The following DAB1 variants were observed in gnomAD, a reference collection of about 807,000 sequenced individuals.
DAB1 encodes disabled homolog 1.
In DAB1, 15 loss-of-function variants were observed where a neutral mutation model predicts 64.6. The ratio of observed to expected loss-of-function variants is 0.23; its 90% CI spans 0.16 to 0.36. DAB1 has a LOEUF of 0.36. Ranked by LOEUF, DAB1 falls within the 10% of genes least tolerant of loss-of-function variation. DAB1 has a pLI of 1.00. For missense variants in DAB1, 596 were observed against 706.7 expected, an observed-to-expected ratio of 0.84 and a Z score of 1.78; for synonymous variants, 235 against 251.9, an observed-to-expected ratio of 0.93 and a Z score of 0.64.
chr1:57,205,045 G>A (rs1274554761), intron 2 of DAB1, among the ~76,000 whole-genome samples: 1 of 152,230 alleles, frequency 6.6e-6, no homozygotes, highest in Non-Finnish European at 1.5e-5. Context: ...CCATTTGAGA[G>A]TGTTAATGGA....
chr1:57,313,138 A>T lies in DAB1; in HGVS notation c.-136-21972T>A, dbSNP rs376908857. On this transcript the variant is annotated intron_variant, in intron 1 of 14. Transcript: ENST00000371236. ...GGCACTCACTGTTTCTGTGGAAATG[A>T]TGCTGAGGCTGAAAGCTAGAGAGTG... Among the ~76,000 whole-genome samples, 6 of 152,320 alleles carry T rather than the reference A, an allele frequency of 3.9e-5. No homozygotes were observed. In the East Asian group the frequency reaches 1.2e-3, roughly 29 times the overall value.
intron 6 of DAB1, among the ~76,000 whole-genome samples, chr1:57,700,121 A>C (rs924076248): frequency 6.6e-6 from 1 of 151,984 alleles, no homozygotes; most frequent in Non-Finnish European, 1.5e-5. Flanking sequence ...GGTCATCCTC[A>C]TGTGCTACCG....
chr1:58,327,808 A>C (rs1662869757), intron 4 of DAB1, among the ~76,000 whole-genome samples: 1 of 152,142 alleles, frequency 6.6e-6, no homozygotes, highest in Non-Finnish European at 1.5e-5. Context: ...AAAATACAAA[A>C]ATTAGCCGGG....
At chr1:57,605,862 G>A (rs373245959) in intron 7 of DAB1, 2 of 591,430 alleles carry the variant, frequency 3.4e-6, no homozygotes, top group Non-Finnish European at 6.3e-6. Flanking sequence ...CATCTGCAAC[G>A]GTGACTTCCA....
intron 1 of DAB1, among the ~76,000 whole-genome samples, chr1:57,294,751 T>A (rs1373151474): frequency 6.6e-6 from 1 of 152,132 alleles, no homozygotes; most frequent in Non-Finnish European, 1.5e-5. Flanking sequence ...TAGGCGCTTG[T>A]CCAAAGCCAC....
At chr1:57,288,190 C>A (rs1386360817) in intron 2 of DAB1, among the ~76,000 whole-genome samples, 2 of 152,030 alleles carry the variant, frequency 1.3e-5, no homozygotes, top group African/African-American at 4.8e-5. Context: ...TAAACAATTG[C>A]AAAATATTGT....
intron 5 of DAB1, among the ~76,000 whole-genome samples, chr1:57,913,898 C>G (rs1644686586): frequency 1.3e-5 from 2 of 152,142 alleles, no homozygotes; most frequent in African/African-American, 4.8e-5. Context: ...CATTGAGATA[C>G]CATCTCATGC....
intron 5 of DAB1, among the ~76,000 whole-genome samples, chr1:58,123,111 T>C (rs1305535858): frequency 1.3e-5 from 2 of 152,182 alleles, no homozygotes; most frequent in African/African-American, 4.8e-5. Flanking sequence ...GTTACACAAT[T>C]CACCCCTTCC....
chr1:57,672,871 T>C (rs1260363157), intron 6 of DAB1, among the ~76,000 whole-genome samples: 2 of 152,144 alleles, frequency 1.3e-5, no homozygotes, highest in African/African-American at 2.4e-5. Context: ...TTGGCTAACA[T>C]AGCTTTTGTC....
At chr1:58,343,090 A>G (rs1424196512) in intron 4 of DAB1, among the ~76,000 whole-genome samples, 2 of 152,114 alleles carry the variant, frequency 1.3e-5, no homozygotes, top group African/African-American at 4.8e-5. Flanking sequence ...TTTGTCTCAA[A>G]TGTTCCATCC....
chr1:57,970,513 T>C (rs1645772086), intron 5 of DAB1, among the ~76,000 whole-genome samples: 1 of 152,048 alleles, frequency 6.6e-6, no homozygotes, highest in Admixed American at 6.6e-5. Context: ...GAGAAAAGGA[T>C]ATCTACGGCG....
intron 1 of DAB1, among the ~76,000 whole-genome samples, chr1:57,398,098 G>T (rs1404347766): frequency 1.3e-5 from 2 of 152,176 alleles, no homozygotes; most frequent in Non-Finnish European, 2.9e-5. Context: ...AGAGATACTA[G>T]ATTTTTAAGG....
chr1:58,142,115 C>T (rs1017701751), intron 5 of DAB1, among the ~76,000 whole-genome samples: 2 of 152,078 alleles, frequency 1.3e-5, no homozygotes, highest in African/African-American at 4.8e-5. Context: ...GGCTCCATCC[C>T]TGAATAAGAG....
chr1:57,317,647 C>G (rs1008840957), intron 1 of DAB1, among the ~76,000 whole-genome samples: 1 of 152,060 alleles, frequency 6.6e-6, no homozygotes, highest in Non-Finnish European at 1.5e-5. Context: ...AAAGAGTAGC[C>G]TTTGAAACAG....
chr1:57,447,330 C>T (rs1271254795), intron 7 of DAB1, among the ~76,000 whole-genome samples: 3 of 152,166 alleles, frequency 2.0e-5, no homozygotes, highest in Non-Finnish European at 4.4e-5. Context: ...AGGATCCCTC[C>T]AACTAATTCC....
chr1:57,617,555 A>G (rs1350778386), intron 7 of DAB1, among the ~76,000 whole-genome samples: 1 of 152,116 alleles, frequency 6.6e-6, no homozygotes, highest in Non-Finnish European at 1.5e-5. Flanking sequence ...CCATCTTAAA[A>G]TTGTCACCTC....
chr1:57,493,900 C>T (rs917122960), intron 7 of DAB1, among the ~76,000 whole-genome samples: 1 of 152,102 alleles, frequency 6.6e-6, no homozygotes. Flanking sequence ...TTTCCATTGG[C>T]AACAACCCGA....
intron 4 of DAB1, among the ~76,000 whole-genome samples, chr1:58,309,943 A>G (rs1405617675): frequency 3.3e-5 from 5 of 152,150 alleles, no homozygotes; most frequent in Admixed American, 2.0e-4. Context: ...AGCTGGAGGA[A>G]TTTGAATCTT....
At chr1:58,123,910 TACAC>T (rs749159861) in intron 5 of DAB1, among the ~76,000 whole-genome samples, 3 of 151,756 alleles carry the variant, frequency 2.0e-5, no homozygotes, top group Non-Finnish European at 4.4e-5. Context: ...CATATACTAA[TACAC>T]ACACACACAC....
Sources: allele counts gnomAD v4.1 joint callset (sites outside exome capture counted in the v4.1 genomes callset), GRCh38; gene constraint gnomAD v4.1.1; transcripts MANE v1.5; gene names NCBI Gene and HGNC (gene_info 2026-07-23, HGNC 2026-07-21).